Variants in BAG4 observed in about 807,000 individuals in gnomAD.
The protein encoded by BAG4 is BAG family molecular chaperone regulator 4.
BAG4 carries 28 observed loss-of-function variants against 52.1 expected under a neutral mutation model. The ratio of observed to expected loss-of-function variants is 0.54; its 90% CI spans 0.40 to 0.74. The LOEUF (loss-of-function observed/expected upper bound fraction) is 0.74. Among genes scored for constraint, BAG4 ranks in the 30% least tolerant of loss-of-function variants. BAG4 has a pLI of 0.00. For synonymous variants in BAG4, 208 were observed against 217.0 expected (o/e 0.96, Z 0.37); for missense variants, 525 against 572.0 (o/e 0.92, Z 0.84).
Position 38,207,715 on chromosome 8 carries a change from G to T in BAG4, c.582G>T (p.Gln194His). The change falls in exon 3 of 5, where the codon CAG becomes CAT. Residue 194 changes from glutamine (Q) to histidine (H), a missense_variant. Gln to His is a conservative substitution (Grantham distance 24, BLOSUM62 0). Around this residue, in one of 2 missense-constraint regions of BAG4, gnomAD observed 287 missense variants for 266.1 expected, o/e 1.08. Transcript: ENST00000287322. ...GGATCTATCCCCAGCAGGACTGTCAGACTGAAGCACCCCCTCTTAGGGGGC... is the reference window on the plus strand; with the variant it reads ...GGATCTATCCCCAGCAGGACTGTCATACTGAAGCACCCCCTCTTAGGGGGC... ...SRWIYPQQDCQTEAPPLRGQV... is the reference protein window; with the variant it reads ...SRWIYPQQDCHTEAPPLRGQV... 1 of 1,614,140 alleles carries T rather than the reference G, an allele frequency of 6.2e-7. No individual in the cohort carries two copies. The highest frequency in any genetic ancestry group is 8.5e-7 in the Non-Finnish European group (1 of 1,180,026).
At chr8:38,198,261 G>A (rs1044176816) in intron 2 of BAG4, among the ~76,000 whole-genome samples, 3 of 150,402 alleles carry the variant, frequency 2.0e-5, no homozygotes, top group Non-Finnish European at 4.4e-5. Flanking sequence ...GCAGTCGCCT[G>A]TAATTCCAGC....
In BAG4 at chr8:38,188,880, G is replaced by T. The variant is rs554661437; in HGVS notation, c.271-3808G>T. Among the ~76,000 whole-genome samples the T allele has an allele frequency of 8.6e-5, 13 of 151,028 alleles. No individual in the cohort carries two copies. In the East Asian group the frequency reaches 1.9e-3, roughly 23 times the overall value. On this transcript the variant is annotated intron_variant, in intron 1 of 4. Transcript: ENST00000287322. ...ACGATCTTGGCTCACTGCAACCTCC[G>T]CCTCCCAGGTTCAAGCAATTTTCCT...
intron 2 of BAG4, among the ~76,000 whole-genome samples, chr8:38,205,728 A>C (rs11779210): frequency 0.21 from 31,755 of 151,920 alleles, 3,607 homozygotes; most frequent in East Asian, 0.31. Context: ...CTCATCCTGC[A>C]TGGAATTCTT....
intron 1 of BAG4, among the ~76,000 whole-genome samples, chr8:38,179,689 C>T (rs970365520): frequency 2.0e-5 from 3 of 151,716 alleles, no homozygotes; most frequent in African/African-American, 4.8e-5. Context: ...TCGCTTGAAC[C>T]CAGGAGGCGG....
chr8:38,201,880 A>ATAT (rs1803683634), intron 2 of BAG4: 1 of 7,556 alleles, frequency 1.3e-4, no homozygotes, highest in African/African-American at 5.0e-4. Context: ...ATATATATAT[A>ATAT]TTTTTTTTTT....
chr8:38,181,986 G>T (rs1231123105), intron 1 of BAG4, among the ~76,000 whole-genome samples: 1 of 151,356 alleles, frequency 6.6e-6, no homozygotes, highest in Non-Finnish European at 1.5e-5. Context: ...CAAGTTTGGA[G>T]TTGGAGCAGA....
chr8:38,187,106 T>G (rs925982344), intron 1 of BAG4, among the ~76,000 whole-genome samples: 1 of 152,174 alleles, frequency 6.6e-6, no homozygotes, highest in Non-Finnish European at 1.5e-5. Flanking sequence ...AGAAACTGAT[T>G]GTGAAAGTGA....
intron 1 of BAG4, among the ~76,000 whole-genome samples, chr8:38,178,443 C>T (rs2130657023): frequency 6.6e-6 from 1 of 152,336 alleles, no homozygotes; most frequent in South Asian, 2.1e-4. Context: ...GGATTACAGG[C>T]GTGAGCCACT....
intron 1 of BAG4, among the ~76,000 whole-genome samples, chr8:38,184,828 C>T (rs1345656791): frequency 6.6e-6 from 1 of 152,160 alleles, no homozygotes; most frequent in Non-Finnish European, 1.5e-5. Context: ...CAGTGGCTCA[C>T]GCCTATAATC....
At chr8:38,205,202 A>ATTTTTT (rs35284937) in intron 2 of BAG4, among the ~76,000 whole-genome samples, 55 of 79,320 alleles carry the variant, frequency 6.9e-4, no homozygotes, top group East Asian at 1.3e-3. Context: ...CAGCTAATTA[A>ATTTTTT]TTTTTTTTTT....
chr8:38,182,264 TTAC>T (rs1236688860), intron 1 of BAG4, among the ~76,000 whole-genome samples: 5 of 152,218 alleles, frequency 3.3e-5, no homozygotes, highest in Non-Finnish European at 5.9e-5. Context: ...CTTATGTACT[TTAC>T]TAATAATTTT....
At chr8:38,203,276 G>C (rs891985342) in intron 2 of BAG4, among the ~76,000 whole-genome samples, 1 of 149,780 alleles carries the variant, frequency 6.7e-6, no homozygotes, top group Non-Finnish European at 1.5e-5. Flanking sequence ...CTGCAGTCTT[G>C]AGGAATTTTT....
At position 38,207,694 on chromosome 8, in the gene BAG4, C is replaced by G; in HGVS notation, c.561C>G (p.Ile187Met). 1 of 1,614,148 alleles carries G rather than the reference C, an allele frequency of 6.2e-7. No individual in the cohort carries two copies. The part of the protein sequence containing the change: ...GNSPTPVSRW[I>M]YPQQDCQTEA... ...GCCCAACTCCAGTCTCTCGTTGGAT[C>G]TATCCCCAGCAGGACTGTCAGACTG... is the stretch of plus-strand genomic sequence containing the variant. Residue 187 changes from isoleucine to methionine, a missense_variant, in exon 3 of 5, where the codon ATC becomes ATG. This residue lies in a region of BAG4 where 287 missense variants were observed against 266.1 expected (regional missense o/e 1.08). Transcript: ENST00000287322.
chr8:38,196,350 T>A (rs565602011), intron 2 of BAG4, among the ~76,000 whole-genome samples: 1 of 152,234 alleles, frequency 6.6e-6, no homozygotes, highest in Admixed American at 6.5e-5. Context: ...AATACTTATT[T>A]TCCTTTAAAA....
At position 38,210,067 on chromosome 8, in the gene BAG4, C is replaced by A; in HGVS notation, c.948C>A (p.Cys316Ter). ...GCATGAACCGGCACAACTTTCCTTG[C>A]AGTGTCCATCAGTACGAATCCTCGG... ...DQSMNRHNFP[C>*]SVHQYESSGT... The change falls in exon 5 of 5, where the codon TGC becomes TGA. Residue 316 changes from cysteine (C) to a stop codon, truncating the protein, a stop_gained. Transcript: ENST00000287322. LOFTEE classifies it high-confidence loss of function. 4 of 1,614,164 alleles carry A rather than the reference C, an allele frequency of 2.5e-6. No homozygotes were observed. Among genetic ancestry groups the A allele is most frequent in the Non-Finnish European group, 3.4e-6 (4 of 1,180,034 alleles).
At chr8:38,201,910 A>T (rs1803685745) in intron 2 of BAG4, 1 of 33,928 alleles carries the variant, frequency 2.9e-5, no homozygotes, top group South Asian at 1.2e-3. Context: ...TTTTTTTTTT[A>T]AGAAGCTGTT....
rs1352795789 is a variant in BAG4 at position 38,176,857 on chromosome 8, G to A, written c.-13G>A. The A allele has an allele frequency of 6.7e-7, 1 of 1,492,822 alleles. No homozygotes were observed. Among genetic ancestry groups the A allele is most frequent in the Non-Finnish European group, 8.9e-7 (1 of 1,119,686 alleles). The allele number at this position is 1,492,822 out of a possible 1,614,324, so 92.5% of individuals were successfully genotyped here. Reference sequence around the variant, plus strand: ...GGGAGCGGGGCGGGAAGCGCTTCAGGGCAGCGGATCCCATGTCGGCCCTGA... The same window carrying A: ...GGGAGCGGGGCGGGAAGCGCTTCAGAGCAGCGGATCCCATGTCGGCCCTGA... On this transcript the variant is annotated 5_prime_UTR_variant, in exon 1 of 5. Transcript: ENST00000287322.
At chr8:38,201,866 ATATATATATATATATTTTTTTTT>A (rs1372512702) in intron 2 of BAG4, 680 of 7,992 alleles carry the variant, frequency 0.085, 26 homozygotes, top group Non-Finnish European at 0.13. Flanking sequence ...ATATATATAT[ATATATATATATATATTTTTTTTT>A]TTTTTTTTTT....
Position 38,210,813 on chromosome 8 carries a change from C to A in BAG4, c.*320C>A. On this transcript the variant is annotated 3_prime_UTR_variant, in exon 5 of 5. Transcript: ENST00000287322. ...AGGGAAACACACTTCACACAACAGG[C>A]TTATCAGAAACCTACCAGATGAAAC... is the stretch of plus-strand genomic sequence containing the variant. The A allele has an allele frequency of 5.1e-6, 1 of 197,418 alleles. No individual in the cohort carries two copies. The highest frequency in any genetic ancestry group is 1.0e-5 in the Non-Finnish European group (1 of 97,090). The allele number at this position is 197,418 out of a possible 1,614,324, so 12.2% of individuals were successfully genotyped here. A position where few individuals can be genotyped will look rare whatever the true frequency, so the allele number is the denominator to read the frequency against.
Sources: gnomAD v4.1 joint callset for allele counts (sites outside exome capture counted in the v4.1 genomes callset) on GRCh38, gnomAD v4.1.1 for gene constraint, gnomAD v4.1.1 regional missense constraint, MANE v1.5 for transcripts, NCBI Gene and HGNC (gene_info 2026-07-23, HGNC 2026-07-21) for gene names.